The following NAV3 variants were observed in gnomAD, a reference collection of about 807,000 sequenced individuals.
The protein encoded by NAV3 is pore membrane and/or filament interacting like protein 1.
Under a neutral mutation model 244.7 loss-of-function variants are expected in NAV3, and 87 were observed. The observed-to-expected ratio is 0.36, with a 90% confidence interval of 0.30 to 0.42. NAV3 has a LOEUF of 0.42. NAV3 is among the 20% of genes least tolerant of loss of function. The probability of loss-of-function intolerance (pLI) is 1.00; values close to 1 mark genes in which losing one functional copy is unlikely to be tolerated. For synonymous variants in NAV3, 1,126 were observed against 1,042.2 expected (o/e 1.08, Z -1.55); for missense variants, 2,663 against 2,893.3 (o/e 0.92, Z 1.83).
chr12:78,141,756 A>G (rs1956625212), intron 20 of NAV3, among the ~76,000 whole-genome samples: 1 of 152,190 alleles, frequency 6.6e-6, no homozygotes, highest in African/African-American at 2.4e-5. Context: ...AGGAATGTGT[A>G]AACACACATG....
chr12:78,124,989 A>C (rs1369179362), intron 16 of NAV3, among the ~76,000 whole-genome samples: 1 of 152,204 alleles, frequency 6.6e-6, no homozygotes, highest in Non-Finnish European at 1.5e-5. Context: ...AATAAATTTT[A>C]ATATAAGACA....
rs78127499 is a variant in NAV3, at chr12:77,977,743, C to G, written c.671+9041C>G. Among the ~76,000 whole-genome samples, 63 of 151,508 alleles carry G rather than the reference C, an allele frequency of 4.2e-4. No homozygotes were observed. The East Asian group carries it at 6.2e-3, about 15-fold the overall frequency. On this transcript the variant is annotated intron_variant, in intron 5 of 39. Transcript: ENST00000397909. ...ACACACACACACACACACACACACT[C>G]TCTTCAGAATCAAGTAATATACTCT...
intron 2 of NAV3, among the ~76,000 whole-genome samples, chr12:77,652,699 A>C (rs924995983): frequency 9.2e-5 from 14 of 152,228 alleles, no homozygotes; most frequent in Non-Finnish European, 1.9e-4. Flanking sequence ...CAAAGGATAG[A>C]CCTAAGGGAT....
At chr12:78,116,673 A>G in intron 12 of NAV3, 99 bp from the exon 13 acceptor site, 2 of 1,244,714 alleles carry the variant, frequency 1.6e-6, no homozygotes, top group Non-Finnish European at 2.1e-6. Context: ...TTTTAAAAGA[A>G]TGTCTTAATA....
At chr12:77,912,442 T>A (rs1886694646) in intron 1 of NAV3, among the ~76,000 whole-genome samples, 1 of 152,134 alleles carries the variant, frequency 6.6e-6, no homozygotes, top group African/African-American at 2.4e-5. Context: ...TATCTTTTAA[T>A]GTGAAAATGC....
chr12:77,713,112 C>T (rs1017731231), intron 2 of NAV3, among the ~76,000 whole-genome samples: 2 of 152,164 alleles, frequency 1.3e-5, no homozygotes, highest in African/African-American at 4.8e-5. Context: ...ATGGCTTTTT[C>T]AATTGATCAC....
chr12:78,143,601 G>T (rs1412700321), intron 20 of NAV3, among the ~76,000 whole-genome samples: 1 of 144,018 alleles, frequency 6.9e-6, no homozygotes, highest in African/African-American at 2.6e-5. Context: ...CTCCAGCCTG[G>T]GCGACAAAGC....
rs1232120333 is a variant in NAV3 at position 78,118,249 on chromosome 12, G to A, written c.2992G>A (p.Gly998Arg). Reference sequence around the variant, plus strand: ...GAGAAGAGGCATGTCTGCCCAAGGAGGGGCGCCATCTAGGCAGAAAGCTGG... The same window carrying A: ...GAGAAGAGGCATGTCTGCCCAAGGAAGGGCGCCATCTAGGCAGAAAGCTGG... ...SWRRGMSAQG[G>R]APSRQKAGTS... The change falls in exon 14 of 40, where the codon GGG becomes AGG. Residue 998 changes from glycine (G) to arginine (R), a missense_variant. Gly to Arg is a moderately radical substitution (Grantham distance 125, BLOSUM62 -2). Transcript: ENST00000397909. 2 of 1,612,778 alleles carry A rather than the reference G, an allele frequency of 1.2e-6. No individual in the cohort carries two copies. The highest frequency in any genetic ancestry group is 1.7e-6 in the Non-Finnish European group (2 of 1,179,104).
chr12:77,671,493 A>G (rs1453176075), intron 2 of NAV3, among the ~76,000 whole-genome samples: 1 of 152,178 alleles, frequency 6.6e-6, no homozygotes, highest in Non-Finnish European at 1.5e-5. Flanking sequence ...TGGAGGCATC[A>G]TATTACCTGA....
At position 78,007,247 on chromosome 12, in the gene NAV3, C is replaced by A. The variant is rs767617560; in HGVS notation, c.1709C>A (p.Thr570Asn). 2 of 1,614,180 alleles carry A rather than the reference C, an allele frequency of 1.2e-6. No individual in the cohort carries two copies. Among genetic ancestry groups the A allele is most frequent in the Admixed American group, 3.3e-5 (2 of 60,022 alleles). ...TCCCAGTCCTTATCTAAGCCTATAA[C>A]CATGGAGAAAGCAAGTGCTTCTAGT... is the stretch of plus-strand genomic sequence containing the variant. ...SPSQSLSKPI[T>N]MEKASASSCP... Residue 570 changes from threonine (T) to asparagine (N), a missense_variant, in exon 8 of 40, where the codon ACC becomes AAC. Physicochemically the swap from Thr to Asn is moderately conservative, Grantham distance 65 (BLOSUM62 0). Around this residue, in one of 6 missense-constraint regions of NAV3, gnomAD observed 1,521 missense variants for 1,497.0 expected, o/e 1.02. Transcript: ENST00000397909.
chr12:78,036,615 A>G, intron 9 of NAV3: 1 of 344,328 alleles, frequency 2.9e-6, no homozygotes, highest in South Asian at 6.9e-5. Context: ...GTCTTTGGTG[A>G]ACTCTTTTCT....
At chr12:77,866,686 G>A (rs1052256432) in intron 1 of NAV3, among the ~76,000 whole-genome samples, 4 of 152,144 alleles carry the variant, frequency 2.6e-5, no homozygotes, top group Admixed American at 6.5e-5. Flanking sequence ...TATGTTTGAA[G>A]CATGAATGAA....
At chr12:77,793,682 C>T (rs1871282940) in intron 2 of NAV3, among the ~76,000 whole-genome samples, 1 of 152,164 alleles carries the variant, frequency 6.6e-6, no homozygotes, top group Non-Finnish European at 1.5e-5. Context: ...CATAGTATTC[C>T]ATAGTGTATA....
intron 30 of NAV3, among the ~76,000 whole-genome samples, chr12:78,183,279 A>G (rs554905749): frequency 6.6e-6 from 1 of 152,054 alleles, no homozygotes; most frequent in Admixed American, 6.6e-5. Flanking sequence ...TGAACTGGGG[A>G]GATTCGGAGT....
At chr12:77,624,417 C>T (rs532479110) in intron 2 of NAV3, among the ~76,000 whole-genome samples, 1 of 152,186 alleles carries the variant, frequency 6.6e-6, no homozygotes, top group African/African-American at 2.4e-5. Flanking sequence ...CTCAGAGTCA[C>T]CTCAGAAGCC....
intron 5 of NAV3, among the ~76,000 whole-genome samples, chr12:77,974,459 T>A (rs564936070): frequency 4.2e-5 from 6 of 143,744 alleles, no homozygotes; most frequent in African/African-American, 1.6e-4. Flanking sequence ...TTATTATTAT[T>A]TTTTTTTTTT....
At chr12:78,136,531 G>T (rs145151143) in intron 18 of NAV3, among the ~76,000 whole-genome samples, 339 of 152,236 alleles carry the variant, frequency 2.2e-3, no homozygotes, top group African/African-American at 7.9e-3. Context: ...ATCTCATCAT[G>T]ATATGCTCAT....
chr12:78,042,127 A>G (rs1350753744), intron 9 of NAV3, among the ~76,000 whole-genome samples: 1 of 152,128 alleles, frequency 6.6e-6, no homozygotes, highest in East Asian at 1.9e-4. Flanking sequence ...TCCAGATTGA[A>G]CAGAATAAAA....
chr12:78,069,936 G>A (rs1952671247), intron 12 of NAV3, among the ~76,000 whole-genome samples: 1 of 152,068 alleles, frequency 6.6e-6, no homozygotes, highest in South Asian at 2.1e-4. Flanking sequence ...ATTATAGTTT[G>A]TTGCAATTAT....
Sources: gnomAD v4.1 joint callset for allele counts (sites outside exome capture counted in the v4.1 genomes callset) on GRCh38, gnomAD v4.1.1 for gene constraint, gnomAD v4.1.1 regional missense constraint, MANE v1.5 for transcripts, NCBI Gene and HGNC (gene_info 2026-07-23, HGNC 2026-07-21) for gene names.